The following ABLIM1 variants were observed in gnomAD, a reference collection of about 807,000 sequenced individuals.
The protein encoded by ABLIM1 is actin binding LIM protein 1, also known as actin-binding LIM protein 1.
ABLIM1 carries 40 observed loss-of-function variants against 107.0 expected under a neutral mutation model. The observed-to-expected ratio is 0.37, with a 90% CI of 0.29 to 0.49. The LOEUF is 0.49. ABLIM1 is among the 20% of genes least tolerant of loss of function. ABLIM1 has a pLI of 0.97. For synonymous variants in ABLIM1, 357 were observed against 357.3 expected, an observed-to-expected ratio of 1.00 and a Z score of 0.01; for missense variants, 857 against 1,008.5, an observed-to-expected ratio of 0.85 and a Z score of 2.04.
chr10:114,678,138 T>G (rs1337593047), intron 1 of ABLIM1, among the ~76,000 whole-genome samples: 1 of 124,790 alleles, frequency 8.0e-6, no homozygotes, highest in Non-Finnish European at 1.7e-5. Context: ...ATTTCTTTCA[T>G]TTTATTTCTA....
At chr10:114,551,425 A>G (rs1053006380) in intron 4 of ABLIM1, among the ~76,000 whole-genome samples, 4 of 152,160 alleles carry the variant, frequency 2.6e-5, no homozygotes, top group Admixed American at 2.6e-4. Flanking sequence ...ACTCTATACA[A>G]ATGAAGGACT....
chr10:114,754,607 G>C (rs934973774), intron 1 of ABLIM1, among the ~76,000 whole-genome samples: 5 of 152,180 alleles, frequency 3.3e-5, no homozygotes, highest in Non-Finnish European at 5.9e-5. Flanking sequence ...AGGGGGAAAG[G>C]TTGCCTCCAA....
intron 4 of ABLIM1, among the ~76,000 whole-genome samples, chr10:114,569,066 AAG>A: frequency 6.6e-6 from 1 of 152,092 alleles, no homozygotes; most frequent in Non-Finnish European, 1.5e-5. Flanking sequence ...AGATTTAAAA[AAG>A]AGAGAGAGAG....
chr10:114,631,273 T>G (rs2078155466), intron 1 of ABLIM1, among the ~76,000 whole-genome samples: 1 of 152,222 alleles, frequency 6.6e-6, no homozygotes, highest in African/African-American at 2.4e-5. Context: ...GATGTACACC[T>G]GTTCAGGCCA....
chr10:114,644,329 A>ATATATG lies in ABLIM1; in HGVS notation c.244+13627_244+13628insCATATA, dbSNP rs1158947105. 1.6e-3 allele frequency among the ~76,000 whole-genome samples: 184 copies of ATATATG among 114,904 alleles called. 3 individuals are homozygous for ATATATG. The highest frequency in any genetic ancestry group is 7.5e-3 in the South Asian group (28 of 3,730). The allele number at this position is 114,904 out of a possible 152,430, so 75.4% of individuals were successfully genotyped here. A position where few individuals can be genotyped will look rare whatever the true frequency, so the allele number is the denominator to read the frequency against. On this transcript the variant is annotated intron_variant, in intron 1 of 22. Transcript: ENST00000533213. Reference sequence around the variant, plus strand: ...AAAATATATATATATATATATATATATGTGTATATATTGTATATATACATA... The same window carrying ATATATG: ...AAAATATATATATATATATATATATATATATGTGTGTATATATTGTATATATACATA...
the ABLIM1 span, among the ~76,000 whole-genome samples, chr10:114,791,306 C>T: frequency 6.6e-6 from 1 of 152,116 alleles, no homozygotes; most frequent in African/African-American, 2.4e-5. Flanking sequence ...CCAGGCTCAT[C>T]GTCTGCTTTT....
At chr10:114,699,962 T>C (rs965719096) in intron 1 of ABLIM1, among the ~76,000 whole-genome samples, 4 of 152,094 alleles carry the variant, frequency 2.6e-5, no homozygotes, top group African/African-American at 9.7e-5. Flanking sequence ...ATTTTAATGA[T>C]TCTATTCTTT....
chr10:114,545,275 C>G (rs1473263473), intron 5 of ABLIM1, among the ~76,000 whole-genome samples, 177 bp from the exon 6 acceptor site: 1 of 152,202 alleles, frequency 6.6e-6, no homozygotes, highest in Non-Finnish European at 1.5e-5. Flanking sequence ...AAACCACAAA[C>G]AAAACGATCC....
chr10:114,708,474 T>C (rs1320188448), intron 1 of ABLIM1, among the ~76,000 whole-genome samples: 1 of 151,830 alleles, frequency 6.6e-6, no homozygotes, highest in Non-Finnish European at 1.5e-5. Context: ...CAAAACTACA[T>C]GGGGATGGTA....
chr10:114,669,146 A>T (rs544993775), intron 1 of ABLIM1, among the ~76,000 whole-genome samples: 1 of 152,338 alleles, frequency 6.6e-6, no homozygotes, highest in African/African-American at 2.4e-5. Flanking sequence ...TGTGCACATA[A>T]ATGCTTGAGC....
chr10:114,484,349 C>T (rs970540203), intron 8 of ABLIM1, among the ~76,000 whole-genome samples: 1 of 152,120 alleles, frequency 6.6e-6, no homozygotes, highest in African/African-American at 2.4e-5. Flanking sequence ...GAGTAGGTGC[C>T]TGTTCTCAGT....
At chr10:114,490,402 A>G (rs2134997487) in intron 7 of ABLIM1, among the ~76,000 whole-genome samples, 1 of 152,260 alleles carries the variant, frequency 6.6e-6, no homozygotes, top group South Asian at 2.1e-4. Flanking sequence ...AATACTCAAG[A>G]ATCCTTTCTG....
chr10:114,646,415 A>C (rs1056368800), intron 1 of ABLIM1, among the ~76,000 whole-genome samples: 3 of 152,242 alleles, frequency 2.0e-5, no homozygotes, highest in African/African-American at 7.2e-5. Flanking sequence ...TGAGGCTAAC[A>C]ATATTTACTG....
At chr10:114,533,535 C>T (rs544529025) in intron 6 of ABLIM1, among the ~76,000 whole-genome samples, 2 of 152,252 alleles carry the variant, frequency 1.3e-5, no homozygotes, top group Non-Finnish European at 2.9e-5. Flanking sequence ...CCTTGACTAC[C>T]CATTCCTTAA....
chr10:114,747,338 T>C (rs1591932960), intron 1 of ABLIM1, among the ~76,000 whole-genome samples: 1 of 152,228 alleles, frequency 6.6e-6, no homozygotes, highest in South Asian at 2.1e-4. Context: ...GGAAGCTTTC[T>C]GCATGGGAGA....
intron 1 of ABLIM1, among the ~76,000 whole-genome samples, chr10:114,732,180 CTT>C (rs113276247): frequency 2.7e-5 from 3 of 109,866 alleles, no homozygotes; most frequent in Non-Finnish European, 5.7e-5. Context: ...CTTTTCTTTT[CTT>C]TTTTTTTTTT....
chr10:114,729,377 G>C (rs2082026458), intron 1 of ABLIM1, among the ~76,000 whole-genome samples: 1 of 152,084 alleles, frequency 6.6e-6, no homozygotes, highest in African/African-American at 2.4e-5. Flanking sequence ...CCAGGGAAAT[G>C]AGGACTCTAT....
intron 1 of ABLIM1, among the ~76,000 whole-genome samples, chr10:114,712,598 C>G (rs1284214299): frequency 6.6e-6 from 1 of 152,166 alleles, no homozygotes; most frequent in African/African-American, 2.4e-5. Flanking sequence ...GCCATGCTGG[C>G]TTTCTTGGTT....
Position 114,629,567 on chromosome 10 carries a change from G to A in ABLIM1, c.245-27606C>T, listed in dbSNP as rs1357367003. Reference sequence around the variant, plus strand: ...TGGAGACACAGTGCCACTTCTGAAAGGCTCACCATCTTGTGACAGAGATAG... The same window carrying A: ...TGGAGACACAGTGCCACTTCTGAAAAGCTCACCATCTTGTGACAGAGATAG... On this transcript the variant is annotated intron_variant, in intron 1 of 22. Transcript: ENST00000533213. The surrounding 1 kb of genome is among the most constrained non-coding windows in gnomAD (Gnocchi z 4.0). 1.3e-5 allele frequency among the ~76,000 whole-genome samples: 2 copies of A among 152,156 alleles called. No homozygotes were observed. The highest frequency in any genetic ancestry group is 1.3e-4 in the Admixed American group (2 of 15,272).
Sources: gnomAD v4.1 joint callset for allele counts (sites outside exome capture counted in the v4.1 genomes callset) on GRCh38, gnomAD v4.1.1 for gene constraint, Gnocchi (gnomAD v3.1) non-coding constraint, MANE v1.5 for transcripts, NCBI Gene and HGNC (gene_info 2026-07-23, HGNC 2026-07-21) for gene names.